SEMA3C: variants seen among roughly 807,000 people sequenced by gnomAD.
SEMA3C encodes the protein semaphorin 3C.
In SEMA3C, 47 loss-of-function variants were observed where a neutral mutation model predicts 89.4. That is an observed-to-expected ratio of 0.53 (90% confidence interval 0.42 to 0.67). The LOEUF (loss-of-function observed/expected upper bound fraction) is 0.67, where lower values mean the gene tolerates loss of function less well. SEMA3C is among the 30% of genes least tolerant of loss of function. The pLI is 0.00. For missense variants in SEMA3C, 839 were observed against 929.1 expected, an observed-to-expected ratio of 0.90 and a Z score of 1.26; for synonymous variants, 310 against 320.2, an observed-to-expected ratio of 0.97 and a Z score of 0.34.
intron 9 of SEMA3C, among the ~76,000 whole-genome samples, chr7:80,802,147 T>C (rs1423049754): frequency 6.6e-6 from 1 of 152,048 alleles, no homozygotes; most frequent in Non-Finnish European, 1.5e-5. Context: ...ACCTGGAAAG[T>C]GTAAGCCTCC....
chr7:80,904,522 G>A (rs1191536805), intron 2 of SEMA3C, among the ~76,000 whole-genome samples: 2 of 152,096 alleles, frequency 1.3e-5, no homozygotes, highest in South Asian at 2.1e-4. Context: ...CTCAAACTGC[G>A]TTACCACTAC....
intron 5 of SEMA3C, among the ~76,000 whole-genome samples, chr7:80,814,568 G>A (rs529170524): frequency 7.2e-5 from 11 of 151,808 alleles, no homozygotes; most frequent in African/African-American, 2.2e-4. Flanking sequence ...TGACTCACAC[G>A]TGTATATACT....
At chr7:80,822,485 G>A (rs1445935371) in intron 4 of SEMA3C, among the ~76,000 whole-genome samples, 1 of 151,942 alleles carries the variant, frequency 6.6e-6, no homozygotes, top group Non-Finnish European at 1.5e-5. Context: ...CTAGTGCCTA[G>A]AAGGGTTAGA....
intron 12 of SEMA3C, among the ~76,000 whole-genome samples, chr7:80,773,517 G>A (rs564515896): frequency 7.0e-4 from 107 of 152,120 alleles, no homozygotes; most frequent in Admixed American, 3.8e-3. Context: ...CAAAATGTAT[G>A]AGGCCATTCT....
chr7:80,904,609 T>C (rs1168756319), intron 2 of SEMA3C, among the ~76,000 whole-genome samples: 1 of 152,198 alleles, frequency 6.6e-6, no homozygotes, highest in African/African-American at 2.4e-5. Context: ...TAGTAACGAT[T>C]GCAGCCTGAA....
chr7:80,889,442 TA>T (rs1482646287), intron 2 of SEMA3C, among the ~76,000 whole-genome samples: 1 of 152,180 alleles, frequency 6.6e-6, no homozygotes, highest in Non-Finnish European at 1.5e-5. Context: ...ACTATCAATA[TA>T]GAAGATGTCA....
At chr7:80,797,609 T>C (rs941294723) in intron 11 of SEMA3C, among the ~76,000 whole-genome samples, 1 of 152,228 alleles carries the variant, frequency 6.6e-6, no homozygotes, top group Non-Finnish European at 1.5e-5. Context: ...ATGAGATATA[T>C]GTAACACAAT....
At chr7:80,811,731 G>A (rs536560374) in intron 5 of SEMA3C, among the ~76,000 whole-genome samples, 2 of 152,282 alleles carry the variant, frequency 1.3e-5, no homozygotes, top group Admixed American at 1.3e-4. Flanking sequence ...GCTTTAAGGA[G>A]ATTGGGAATG....
chr7:80,878,045 A>G (rs980955136), intron 2 of SEMA3C, among the ~76,000 whole-genome samples: 1 of 152,114 alleles, frequency 6.6e-6, no homozygotes, highest in Admixed American at 6.5e-5. Flanking sequence ...AGCCTCTTCC[A>G]TTTACATGAA....
chr7:80,916,646 C>A, intron 2 of SEMA3C, 33 bp downstream of exon 2: 1 of 1,575,936 alleles, frequency 6.3e-7, no homozygotes. Context: ...CTTAAAATAA[C>A]ATTTTTCCCA....
At chr7:80,910,562 G>A (rs577096571) in intron 2 of SEMA3C, among the ~76,000 whole-genome samples, 1 of 151,794 alleles carries the variant, frequency 6.6e-6, no homozygotes, top group South Asian at 2.1e-4. Context: ...CTTAACAACA[G>A]AGGTCTTCAG....
chr7:80,821,621 A>G (rs1270099443), intron 4 of SEMA3C, among the ~76,000 whole-genome samples: 1 of 152,170 alleles, frequency 6.6e-6, no homozygotes, highest in Non-Finnish European at 1.5e-5. Context: ...GGGTTTCATC[A>G]TGTTAGCCAG....
chr7:80,775,739 A>G (rs1583866658), intron 12 of SEMA3C, among the ~76,000 whole-genome samples: 1 of 152,074 alleles, frequency 6.6e-6, no homozygotes, highest in East Asian at 1.9e-4. Flanking sequence ...AGTACTGTGC[A>G]TTATTATAGG....
upstream of SEMA3C, among the ~76,000 whole-genome samples, chr7:80,921,080 G>A (rs949623939): frequency 6.6e-6 from 1 of 152,074 alleles, no homozygotes; most frequent in African/African-American, 2.4e-5. Context: ...CATCTCAAAC[G>A]GTGTATTTAC....
intron 2 of SEMA3C, among the ~76,000 whole-genome samples, chr7:80,911,581 T>C (rs755052646): frequency 6.6e-6 from 1 of 151,900 alleles, no homozygotes. Flanking sequence ...TTAGTAAACA[T>C]GTTTAGGCAT....
At chr7:80,776,691 TATG>T (rs1300224179) in intron 12 of SEMA3C, among the ~76,000 whole-genome samples, 2 of 152,224 alleles carry the variant, frequency 1.3e-5, no homozygotes, top group East Asian at 3.8e-4. Context: ...CGGATTCATC[TATG>T]ATGTTACTGA....
chr7:80,821,513 G>C (rs1004202579), intron 4 of SEMA3C, among the ~76,000 whole-genome samples: 1 of 151,766 alleles, frequency 6.6e-6, no homozygotes, highest in Non-Finnish European at 1.5e-5. Context: ...TCCGCTTCCC[G>C]GGTTCAAGAA....
chr7:80,776,768 T>C (rs180769103), intron 12 of SEMA3C, among the ~76,000 whole-genome samples: 11 of 152,298 alleles, frequency 7.2e-5, no homozygotes, highest in Admixed American at 5.2e-4. Flanking sequence ...GGTACTCAAA[T>C]GTAGGTGATG....
intron 2 of SEMA3C, among the ~76,000 whole-genome samples, chr7:80,843,315 C>CT (rs1562901812): frequency 1.3e-5 from 2 of 152,108 alleles, no homozygotes; most frequent in African/African-American, 4.8e-5. Context: ...CACATGTACT[C>CT]TATGTATTAT....
Sources: gnomAD v4.1 joint callset for allele counts (sites outside exome capture counted in the v4.1 genomes callset) on GRCh38, gnomAD v4.1.1 for gene constraint, MANE v1.5 for transcripts, NCBI Gene and HGNC (gene_info 2026-07-23, HGNC 2026-07-21) for gene names.